Variants in USP13 observed in about 807,000 individuals in gnomAD.
USP13 encodes ubiquitin carboxyl-terminal hydrolase 13.
Under a neutral mutation model 107.8 loss-of-function variants are expected in USP13, and 68 were observed. That is an observed-to-expected ratio of 0.63 (90% CI 0.52 to 0.77). The LOEUF is 0.77. Ranked by LOEUF, USP13 falls within the 30% of genes least tolerant of loss-of-function variation. The pLI is 0.00. For missense variants in USP13, 945 were observed against 1,093.3 expected, an observed-to-expected ratio of 0.86 and a Z score of 1.91; for synonymous variants, 377 against 389.5, an observed-to-expected ratio of 0.97 and a Z score of 0.38.
intron 15 of USP13, 122 bp downstream of exon 15, chr3:179,754,976 C>T (rs1352965171): frequency 4.5e-6 from 6 of 1,345,062 alleles, no homozygotes; most frequent in Non-Finnish European, 4.0e-6. Context: ...AGCTGCCTTG[C>T]TGTGATGTAA....
chr3:179,728,755 G>T (rs1713673457), intron 8 of USP13, among the ~76,000 whole-genome samples: 1 of 152,318 alleles, frequency 6.6e-6, no homozygotes, highest in African/African-American at 2.4e-5. Flanking sequence ...CGAGGCTGGC[G>T]GATCACTCGC....
chr3:179,718,648 G>T (rs958444126), intron 6 of USP13, among the ~76,000 whole-genome samples: 2 of 152,166 alleles, frequency 1.3e-5, no homozygotes, highest in African/African-American at 2.4e-5. Context: ...CAGCGGATTG[G>T]ATAGCTTTGG....
At chr3:179,741,483 T>G (rs2108512653) in intron 11 of USP13, among the ~76,000 whole-genome samples, 1 of 150,586 alleles carries the variant, frequency 6.6e-6, no homozygotes, top group Admixed American at 6.6e-5. Context: ...GCCTCCCGAG[T>G]AGCTGGGATT....
chr3:179,778,696 G>C (rs746792373), intron 19 of USP13, among the ~76,000 whole-genome samples: 16 of 152,150 alleles, frequency 1.1e-4, no homozygotes, highest in Non-Finnish European at 2.1e-4. Flanking sequence ...AATCCCGGAG[G>C]CGGAGGTTGC....
chr3:179,733,110 G>T (rs1360795343), intron 10 of USP13, among the ~76,000 whole-genome samples: 1 of 152,200 alleles, frequency 6.6e-6, no homozygotes, highest in Non-Finnish European at 1.5e-5. Context: ...CGGTCCCTTT[G>T]TGACTCATGA....
chr3:179,775,556 C>T (rs1221298297), intron 19 of USP13, among the ~76,000 whole-genome samples: 1 of 152,236 alleles, frequency 6.6e-6, no homozygotes, highest in African/African-American at 2.4e-5. Context: ...GGACTGGGCA[C>T]TGCGGAGCAG....
At chr3:179,741,047 G>A (rs547796266) in intron 11 of USP13, among the ~76,000 whole-genome samples, 1 of 151,916 alleles carries the variant, frequency 6.6e-6, no homozygotes, top group Admixed American at 6.6e-5. Flanking sequence ...TTACAGGTGT[G>A]AGCTGGAAAG....
chr3:179,731,838 T>C lies in USP13; in HGVS notation c.1254+1129T>C, dbSNP rs375854559. 2.0e-4 allele frequency among the ~76,000 whole-genome samples: 31 copies of C among 152,332 alleles called. No homozygotes were observed. In the South Asian group the frequency reaches 4.6e-3, roughly 22 times the overall value. On this transcript the variant is annotated intron_variant, in intron 10 of 20. Transcript: ENST00000263966. ...GGCTTCCTAGTATCCTGTCTTGACT[T>C]ACTGGGCAGGCTCGTTCAGTTCTGT...
At chr3:179,654,212 T>C (rs1401891880) in intron 1 of USP13, among the ~76,000 whole-genome samples, 1 of 11,008 alleles carries the variant, frequency 9.1e-5, no homozygotes, top group African/African-American at 4.0e-4. Context: ...AGACTCCGTC[T>C]CAAAAAAAAA....
chr3:179,654,132 T>G (rs1173306856), intron 1 of USP13, among the ~76,000 whole-genome samples: 1 of 146,232 alleles, frequency 6.8e-6, no homozygotes, highest in Non-Finnish European at 1.5e-5. Flanking sequence ...GAGAATCGCT[T>G]GAACCGGGAA....
intron 4 of USP13, among the ~76,000 whole-genome samples, chr3:179,705,942 C>T (rs543903307): frequency 5.4e-4 from 82 of 152,212 alleles, no homozygotes; most frequent in Non-Finnish European, 4.3e-4. Flanking sequence ...AGGCTGGTCT[C>T]GAACTCCTGA....
intron 1 of USP13, among the ~76,000 whole-genome samples, chr3:179,658,197 G>A (rs569256477): frequency 2.4e-4 from 36 of 152,142 alleles, no homozygotes; most frequent in Admixed American, 3.9e-4. Flanking sequence ...CTCGTGATCC[G>A]CCCACCTTGG....
intron 1 of USP13, among the ~76,000 whole-genome samples, chr3:179,680,998 A>C (rs59232757): frequency 0.099 from 9,992 of 100,748 alleles, 1,765 homozygotes; most frequent in South Asian, 0.13. Context: ...TATCACAGTG[A>C]AAATTTTGCC....
At chr3:179,720,798 C>T (rs1338157330) in intron 7 of USP13, among the ~76,000 whole-genome samples, 2 of 151,274 alleles carry the variant, frequency 1.3e-5, no homozygotes, top group Non-Finnish European at 2.9e-5. Flanking sequence ...TTCAATCTTT[C>T]TCTCTTTAAA....
At chr3:179,660,047 A>G (rs1430928992) in intron 1 of USP13, among the ~76,000 whole-genome samples, 1 of 152,154 alleles carries the variant, frequency 6.6e-6, no homozygotes, top group Admixed American at 6.5e-5. Context: ...TGTCTCAAAA[A>G]ACAAACAAAC....
chr3:179,684,189 G>A (rs566144840), intron 2 of USP13, among the ~76,000 whole-genome samples: 2 of 151,250 alleles, frequency 1.3e-5, no homozygotes, highest in Admixed American at 6.6e-5. Context: ...TCGCTATCTC[G>A]ACCTCATGAT....
chr3:179,758,238 T>C (rs1385177853), intron 16 of USP13, among the ~76,000 whole-genome samples: 2 of 152,072 alleles, frequency 1.3e-5, no homozygotes, highest in African/African-American at 2.4e-5. Flanking sequence ...CACTAGACTA[T>C]CCTGGCATGT....
chr3:179,694,600 C>T (rs548335512), intron 3 of USP13, among the ~76,000 whole-genome samples: 69 of 151,894 alleles, frequency 4.5e-4, no homozygotes, highest in African/African-American at 6.3e-4. Context: ...GTCAGGAGTT[C>T]GGCAGCCTGG....
chr3:179,765,617 C>G, intron 18 of USP13, 78 bp from the exon 19 acceptor site: 2 of 1,518,022 alleles, frequency 1.3e-6, no homozygotes, highest in South Asian at 1.3e-5. Context: ...TGCCTGACAT[C>G]TAGTTGAAAT....
Sources: allele counts gnomAD v4.1 joint callset (sites outside exome capture counted in the v4.1 genomes callset), GRCh38; gene constraint gnomAD v4.1.1; transcripts MANE v1.5; gene names NCBI Gene and HGNC (gene_info 2026-07-23, HGNC 2026-07-21).